Variants in DPYS observed in about 807,000 individuals in gnomAD.
DPYS encodes the protein dihydropyrimidine amidohydrolase.
In DPYS, 39 loss-of-function variants were observed where a neutral mutation model predicts 50.3. The observed-to-expected ratio is 0.78, with a 90% CI of 0.60 to 1.01. The LOEUF (loss-of-function observed/expected upper bound fraction) is 1.01, where lower values mean the gene tolerates loss of function less well. Ranked by LOEUF, DPYS falls within the 50% of genes least tolerant of loss-of-function variation. The pLI, the probability that DPYS is intolerant of heterozygous loss-of-function variation, is 0.00. For missense variants in DPYS, 659 were observed against 680.9 expected (o/e 0.97, Z 0.36); for synonymous variants, 245 against 250.7 (o/e 0.98, Z 0.22).
intron 7 of DPYS, among the ~76,000 whole-genome samples, chr8:104,411,341 G>C (rs925730601): frequency 6.6e-6 from 1 of 152,118 alleles, no homozygotes; most frequent in Non-Finnish European, 1.5e-5. Context: ...ACAGATAAAG[G>C]CTCCATTTGT....
intron 6 of DPYS, among the ~76,000 whole-genome samples, chr8:104,427,560 T>C (rs1182060985): frequency 6.6e-6 from 1 of 151,988 alleles, no homozygotes; most frequent in Non-Finnish European, 1.5e-5. Context: ...ATTACAGGTG[T>C]GAGCCACTGC....
At chr8:104,414,700 A>T (rs79464428) in intron 7 of DPYS, among the ~76,000 whole-genome samples, 9,191 of 152,230 alleles carry the variant, frequency 0.06, 321 homozygotes, top group African/African-American at 0.07. Flanking sequence ...TAAGCATATA[A>T]GGACCCTGGG....
intron 6 of DPYS, among the ~76,000 whole-genome samples, chr8:104,426,700 G>A (rs1334962233): frequency 6.6e-6 from 1 of 152,198 alleles, no homozygotes; most frequent in South Asian, 2.1e-4. Flanking sequence ...GTCTAACCAG[G>A]CAAGTCCCCT....
In DPYS at chr8:104,393,116, C is replaced by T. The variant is rs184418167; in HGVS notation, c.1236-125G>A. The stretch of plus-strand genomic sequence containing the variant: ...ACTCTATTAAGTCATAGCTTCATCA[C>T]TGTAACAAGTAACTTTAAGAATAGA... On this transcript the variant is annotated intron_variant, in intron 7 of 9. Transcript: ENST00000351513. 43 of 792,878 alleles carry T rather than the reference C, an allele frequency of 5.4e-5. No individual in the cohort carries two copies. The East Asian group carries it at 8.2e-4, about 15-fold the overall frequency. The allele number at this position is 792,878 out of a possible 1,614,324, so 49.1% of individuals were successfully genotyped here. A position where few individuals can be genotyped will look rare whatever the true frequency, so the allele number is the denominator to read the frequency against.
At chr8:104,434,532 T>C (rs548289054) in intron 4 of DPYS, among the ~76,000 whole-genome samples, 2 of 152,204 alleles carry the variant, frequency 1.3e-5, no homozygotes, top group Non-Finnish European at 2.9e-5. Flanking sequence ...TACACCTCTC[T>C]GCAAGAGAAC....
chr8:104,417,658 G>A (rs1812412360), intron 7 of DPYS, among the ~76,000 whole-genome samples: 1 of 152,200 alleles, frequency 6.6e-6, no homozygotes, highest in African/African-American at 2.4e-5. Context: ...TCAATGAGCT[G>A]TCAGGCTGAA....
intron 8 of DPYS, among the ~76,000 whole-genome samples, chr8:104,383,512 C>T (rs1473654136): frequency 6.6e-6 from 1 of 151,884 alleles, no homozygotes; most frequent in Non-Finnish European, 1.5e-5. Context: ...AGCCTGCTTT[C>T]TTCTTTTTGT....
At position 104,437,853 on chromosome 8, in the gene DPYS, A is replaced by C. The variant is rs186088356; in HGVS notation, c.793+6395T>G. Among the ~76,000 whole-genome samples the C allele has an allele frequency of 5.9e-5, 9 of 152,318 alleles. No homozygotes were observed. The East Asian group carries it at 1.5e-3, about 26-fold the overall frequency. On this transcript the variant is annotated intron_variant, in intron 4 of 9. Transcript: ENST00000351513. ...ATGAAATTTCTGGACATCTAAAATG[A>C]AGAGAAAGTATAAAAATCTTACAGA...
intron 1 of DPYS, among the ~76,000 whole-genome samples, chr8:104,458,688 A>G (rs143790300): frequency 1.2e-4 from 18 of 152,314 alleles, no homozygotes; most frequent in African/African-American, 3.4e-4. Context: ...CACTTTTCCA[A>G]TAGCAAACTG....
intron 7 of DPYS, among the ~76,000 whole-genome samples, chr8:104,416,605 G>A (rs886184602): frequency 6.6e-6 from 1 of 152,060 alleles, no homozygotes; most frequent in African/African-American, 2.4e-5. Context: ...GCATCTTTAG[G>A]CCGATCAACT....
At chr8:104,394,501 C>A (rs550408246) in intron 7 of DPYS, among the ~76,000 whole-genome samples, 1 of 152,140 alleles carries the variant, frequency 6.6e-6, no homozygotes, top group Admixed American at 6.6e-5. Flanking sequence ...CAAAATAAAC[C>A]CCCCGCTTCT....
chr8:104,451,732 T>C (rs1407177375), intron 1 of DPYS, among the ~76,000 whole-genome samples: 1 of 152,258 alleles, frequency 6.6e-6, no homozygotes, highest in African/African-American at 2.4e-5. Flanking sequence ...ATATTTTTTC[T>C]TGAGAAGTGA....
intron 7 of DPYS, among the ~76,000 whole-genome samples, chr8:104,402,337 TAAAA>T (rs1413104988): frequency 2.0e-5 from 3 of 152,218 alleles, no homozygotes; most frequent in Non-Finnish European, 2.9e-5. Flanking sequence ...AGTGGGAAAC[TAAAA>T]ATAATTTAGT....
At chr8:104,428,987 C>T (rs1019347463) in intron 5 of DPYS, among the ~76,000 whole-genome samples, 25 of 152,020 alleles carry the variant, frequency 1.6e-4, no homozygotes, top group Non-Finnish European at 3.2e-4. Flanking sequence ...TAAGCCACCA[C>T]GCCCAGCCAA....
intron 7 of DPYS, among the ~76,000 whole-genome samples, chr8:104,410,787 A>G (rs1440842698): frequency 6.6e-6 from 1 of 151,044 alleles, no homozygotes. Flanking sequence ...CTCATCTTCA[A>G]CTCCTTCCCA....
intron 2 of DPYS, among the ~76,000 whole-genome samples, 194 bp downstream of exon 2, chr8:104,451,048 TTTAA>T (rs1321634551): frequency 6.6e-6 from 1 of 152,214 alleles, no homozygotes; most frequent in Admixed American, 6.5e-5. Flanking sequence ...ATATGATTTT[TTTAA>T]TTTAGTTTTT....
At chr8:104,444,612 CAT>C (rs879392852) in intron 3 of DPYS, among the ~76,000 whole-genome samples, 175 bp from the exon 4 acceptor site, 1 of 151,806 alleles carries the variant, frequency 6.6e-6, no homozygotes, top group Non-Finnish European at 1.5e-5. Flanking sequence ...ATCTATAACA[CAT>C]ATATATATAA....
intron 2 of DPYS, among the ~76,000 whole-genome samples, chr8:104,448,623 A>G (rs1362933541): frequency 6.6e-6 from 1 of 152,156 alleles, no homozygotes; most frequent in Non-Finnish European, 1.5e-5. Flanking sequence ...AAGTGTAACA[A>G]GCATAGGATT....
Position 104,466,772 on chromosome 8 carries a change from C to T in DPYS, c.149G>A (p.Arg50Gln). ...LPPGGAPAGLRVLDAAGKLVL... is the reference protein window; with the variant it reads ...LPPGGAPAGLQVLDAAGKLVL... ...GAGCTTGCCGGCGGCGTCGAGGACCCGCAGCCCCGCAGGAGCGCCCCCGGG... is the reference window on the plus strand; with the variant it reads ...GAGCTTGCCGGCGGCGTCGAGGACCTGCAGCCCCGCAGGAGCGCCCCCGGG... Residue 50 changes from arginine (R) to glutamine (Q), a missense_variant, in exon 1 of 10, where the codon CGG becomes CAG. Arg to Gln is a conservative substitution (Grantham distance 43). Coordinates refer to ENST00000351513, the MANE Select transcript of DPYS (RefSeq NM_001385.3). 6.5e-7 allele frequency: 1 copy of T among 1,534,230 alleles called. No individual in the cohort carries two copies.
Sources: allele counts gnomAD v4.1 joint callset (sites outside exome capture counted in the v4.1 genomes callset), GRCh38; gene constraint gnomAD v4.1.1; transcripts MANE v1.5; gene names NCBI Gene and HGNC (gene_info 2026-07-23, HGNC 2026-07-21).